The following ZMAT4 variants were observed in gnomAD, a reference collection of about 807,000 sequenced individuals.
The protein encoded by ZMAT4 is zinc finger matrin-type protein 4.
In ZMAT4, 17 loss-of-function variants were observed where a neutral mutation model predicts 28.7. The ratio of observed to expected loss-of-function variants is 0.59; its 90% confidence interval spans 0.41 to 0.89. The LOEUF (loss-of-function observed/expected upper bound fraction) is 0.89, where lower values mean the gene tolerates loss of function less well. ZMAT4 is among the 40% of genes least tolerant of loss of function. The pLI is 0.00. For synonymous variants in ZMAT4, 117 were observed against 109.2 expected, an observed-to-expected ratio of 1.07 and a Z score of -0.44; for missense variants, 240 against 283.8, an observed-to-expected ratio of 0.85 and a Z score of 1.11.
chr8:40,540,789 A>G (rs1803005746), intron 6 of ZMAT4, among the ~76,000 whole-genome samples: 1 of 152,322 alleles, frequency 6.6e-6, no homozygotes, highest in South Asian at 2.1e-4. Flanking sequence ...ATTGCATTGC[A>G]ATATTGCAGT....
intron 3 of ZMAT4, among the ~76,000 whole-genome samples, chr8:40,729,150 A>T (rs1811428213): frequency 6.6e-6 from 1 of 152,162 alleles, no homozygotes; most frequent in African/African-American, 2.4e-5. Context: ...TTCACATTCC[A>T]CTGGTAAGAA....
intron 4 of ZMAT4, among the ~76,000 whole-genome samples, chr8:40,675,980 A>AAAAC (rs1200510523): frequency 6.6e-6 from 1 of 152,202 alleles, no homozygotes; most frequent in Non-Finnish European, 1.5e-5. Context: ...TCTGGTCCAG[A>AAAAC]AAACAAACAA....
chr8:40,714,668 T>A (rs1465643970), intron 3 of ZMAT4, among the ~76,000 whole-genome samples: 1 of 152,180 alleles, frequency 6.6e-6, no homozygotes. Context: ...TGACCATAGT[T>A]GACAAGTAAG....
At chr8:40,599,789 G>A (rs1389235986) in intron 5 of ZMAT4, among the ~76,000 whole-genome samples, 1 of 152,212 alleles carries the variant, frequency 6.6e-6, no homozygotes, top group Non-Finnish European at 1.5e-5. Flanking sequence ...CATATGCTGT[G>A]TAAGGAGAGT....
chr8:40,837,317 G>A (rs897499668), intron 1 of ZMAT4, among the ~76,000 whole-genome samples: 1 of 152,224 alleles, frequency 6.6e-6, no homozygotes, highest in Non-Finnish European at 1.5e-5. Context: ...AAAGAAGGCA[G>A]GGTCTCTGAA....
chr8:40,701,587 G>A (rs1314906963), intron 3 of ZMAT4, among the ~76,000 whole-genome samples: 1 of 138,538 alleles, frequency 7.2e-6, no homozygotes, highest in East Asian at 2.2e-4. Flanking sequence ...TCACGATCTC[G>A]GCTCACTGCA....
chr8:40,574,458 G>A (rs887948948), intron 6 of ZMAT4, among the ~76,000 whole-genome samples: 7 of 152,170 alleles, frequency 4.6e-5, no homozygotes, highest in Admixed American at 3.3e-4. Flanking sequence ...GGTTTTCAAC[G>A]CCTGTTTCTC....
chr8:40,746,739 C>A (rs186220741), intron 3 of ZMAT4, among the ~76,000 whole-genome samples: 43 of 152,274 alleles, frequency 2.8e-4, no homozygotes, highest in African/African-American at 8.4e-4. Flanking sequence ...TCCCTAAAAA[C>A]CGCACATGGT....
chr8:40,717,577 C>T (rs1810911002), intron 3 of ZMAT4, among the ~76,000 whole-genome samples: 1 of 152,114 alleles, frequency 6.6e-6, no homozygotes, highest in Non-Finnish European at 1.5e-5. Flanking sequence ...AAGAGGATCC[C>T]TTGAGCCCAG....
At chr8:40,887,087 C>T (rs1818481303) in intron 1 of ZMAT4, among the ~76,000 whole-genome samples, 3 of 147,166 alleles carry the variant, frequency 2.0e-5, no homozygotes, top group South Asian at 2.2e-4. Flanking sequence ...GGGAGAATGG[C>T]GTGAACCCAG....
chr8:40,542,396 A>G (rs1803065693), intron 6 of ZMAT4, among the ~76,000 whole-genome samples: 1 of 151,842 alleles, frequency 6.6e-6, no homozygotes, highest in South Asian at 2.1e-4. Flanking sequence ...TTATTTATTT[A>G]TTTATTTTTA....
Position 40,895,925 on chromosome 8 carries a change from T to C in ZMAT4, c.-5+1758A>G, listed in dbSNP as rs539966024. 5.9e-5 allele frequency among the ~76,000 whole-genome samples: 9 copies of C among 152,250 alleles called. No individual in the cohort carries two copies. In the South Asian group the frequency reaches 1.9e-3, roughly 32 times the overall value. On this transcript the variant is annotated intron_variant, in intron 1 of 6. Coordinates refer to ENST00000297737, the MANE Select transcript of ZMAT4 (RefSeq NM_024645.3). ...AGAGGACGACGTCCATGACTAACCA[T>C]GCCCACCGGCTGGGAAAAGTTCAGC...
intron 1 of ZMAT4, among the ~76,000 whole-genome samples, chr8:40,827,794 T>A (rs1816123319): frequency 6.6e-6 from 1 of 152,176 alleles, no homozygotes; most frequent in Non-Finnish European, 1.5e-5. Context: ...GTTCACCTCC[T>A]CCCCCACAAG....
intron 6 of ZMAT4, among the ~76,000 whole-genome samples, chr8:40,576,518 T>C (rs1326083259): frequency 6.9e-6 from 1 of 145,082 alleles, no homozygotes; most frequent in Admixed American, 6.9e-5. Flanking sequence ...ATGACATATT[T>C]AAGGGCTGAA....
intron 3 of ZMAT4, among the ~76,000 whole-genome samples, chr8:40,699,859 T>C (rs1341024526): frequency 6.6e-6 from 1 of 152,272 alleles, no homozygotes; most frequent in African/African-American, 2.4e-5. Flanking sequence ...TTAGAATCTA[T>C]GCATCTGTTC....
chr8:40,891,855 T>C (rs11779532), intron 1 of ZMAT4, among the ~76,000 whole-genome samples: 17,797 of 152,210 alleles, frequency 0.12, 1,162 homozygotes, highest in Non-Finnish European at 0.15. Context: ...CTGGGGTGCT[T>C]TCTTCTTTCT....
At chr8:40,682,926 G>A (rs1411147686) in intron 4 of ZMAT4, among the ~76,000 whole-genome samples, 3 of 152,144 alleles carry the variant, frequency 2.0e-5, no homozygotes, top group Non-Finnish European at 4.4e-5. Flanking sequence ...GAACTTTAGA[G>A]GGGATAAAAG....
chr8:40,665,624 A>G (rs982496333), intron 5 of ZMAT4, among the ~76,000 whole-genome samples: 2 of 152,228 alleles, frequency 1.3e-5, no homozygotes, highest in African/African-American at 4.8e-5. Context: ...GAAAACTCAG[A>G]GTTGGCTGTG....
At position 40,834,027 on chromosome 8, in the gene ZMAT4, C is replaced by T. The variant is rs143963794; in HGVS notation, c.-4-8347G>A. On this transcript the variant is annotated intron_variant, in intron 1 of 6. Transcript: ENST00000297737. ...TGCCTGGCGTTGCCAGGAGCTGCATCGCTGACTCACACCACTTGAATAATT... is the reference window on the plus strand; with the variant it reads ...TGCCTGGCGTTGCCAGGAGCTGCATTGCTGACTCACACCACTTGAATAATT... Among the ~76,000 whole-genome samples the T allele has an allele frequency of 5.1e-3, 774 of 152,328 alleles. 10 individuals carry two copies. Among genetic ancestry groups the T allele is most frequent in the African/African-American group, 0.018 (731 of 41,570 alleles).
Sources: gnomAD v4.1 joint callset for allele counts (sites outside exome capture counted in the v4.1 genomes callset) on GRCh38, gnomAD v4.1.1 for gene constraint, MANE v1.5 for transcripts, NCBI Gene and HGNC (gene_info 2026-07-23, HGNC 2026-07-21) for gene names.